TMEM132C: variants seen among roughly 807,000 people sequenced by gnomAD.
TMEM132C encodes the protein transmembrane protein 132C, also known as protein phosphatase 1, regulatory subunit 152.
TMEM132C carries 29 observed loss-of-function variants against 61.4 expected under a neutral mutation model. The ratio of observed to expected loss-of-function variants is 0.47; its 90% CI spans 0.35 to 0.64. The LOEUF (loss-of-function observed/expected upper bound fraction) is 0.64, where lower values mean the gene tolerates loss of function less well. Ranked by LOEUF, TMEM132C falls within the 30% of genes least tolerant of loss-of-function variation. The probability of loss-of-function intolerance (pLI) is 0.00; values close to 1 mark genes in which losing one functional copy is unlikely to be tolerated. For synonymous variants in TMEM132C, 656 were observed against 633.1 expected (o/e 1.04, Z -0.54); for missense variants, 1,408 against 1,476.9 (o/e 0.95, Z 0.76).
In TMEM132C at chr12:128,706,046, C is replaced by A; in HGVS notation, c.3078C>A (p.His1026Gln). The A allele has an allele frequency of 1.3e-6, 2 of 1,551,746 alleles. No homozygotes were observed. Among genetic ancestry groups the A allele is most frequent in the Non-Finnish European group, 8.7e-7 (1 of 1,147,010 alleles). Reference sequence around the variant, plus strand: ...ACAAGCACGTGCAGAGCCAGATTCACAGGTCAGCCGACTCCGGGGGGCGGC... The same window carrying A: ...ACAAGCACGTGCAGAGCCAGATTCAAAGGTCAGCCGACTCCGGGGGGCGGC... Reference protein sequence around the residue: ...GSHKHVQSQIHRSADSGGRQG... With the variant: ...GSHKHVQSQIQRSADSGGRQG... Residue 1026 changes from histidine to glutamine, a missense_variant, in exon 9 of 9, where the codon CAC becomes CAA. Coordinates refer to ENST00000435159, the MANE Select transcript of TMEM132C (RefSeq NM_001136103.3).
At chr12:128,357,709 A>G (rs923762192) in intron 1 of TMEM132C, among the ~76,000 whole-genome samples, 1 of 151,022 alleles carries the variant, frequency 6.6e-6, no homozygotes, top group Non-Finnish European at 1.5e-5. Flanking sequence ...AAAAAAAAAA[A>G]AGAAAAAGAA....
chr12:128,572,611 G>C (rs1037944120), intron 3 of TMEM132C, among the ~76,000 whole-genome samples: 1 of 150,916 alleles, frequency 6.6e-6, no homozygotes, highest in African/African-American at 2.4e-5. Flanking sequence ...CCAGACCTGG[G>C]TCACATGACA....
rs1000762653 is a variant in TMEM132C, at chr12:128,652,515, C to T, written c.1306-16902C>T. Among the ~76,000 whole-genome samples the T allele has an allele frequency of 6.6e-5, 10 of 152,348 alleles. No individual in the cohort carries two copies. In the East Asian group the frequency reaches 1.2e-3, roughly 18 times the overall value. On this transcript the variant is annotated intron_variant, in intron 4 of 8. Coordinates refer to ENST00000435159, the MANE Select transcript of TMEM132C (RefSeq NM_001136103.3). ...TAATTAATGAGACACCATCCAAGAACGTTTACAGCTCGGAACACAGAGTTC... is the reference window on the plus strand; with the variant it reads ...TAATTAATGAGACACCATCCAAGAATGTTTACAGCTCGGAACACAGAGTTC...
intron 8 of TMEM132C, among the ~76,000 whole-genome samples, chr12:128,698,332 C>G (rs956389134): frequency 6.6e-6 from 1 of 152,148 alleles, no homozygotes; most frequent in African/African-American, 2.4e-5. Context: ...CTCGTCTGAC[C>G]CTAACAACCT....
chr12:128,378,825 C>G (rs1422845843), intron 1 of TMEM132C, among the ~76,000 whole-genome samples: 7 of 152,138 alleles, frequency 4.6e-5, no homozygotes, highest in Non-Finnish European at 1.5e-5. Flanking sequence ...TGGGAGGGAC[C>G]CAGTGCCCAG....
intron 3 of TMEM132C, among the ~76,000 whole-genome samples, chr12:128,595,092 G>A (rs1336060757): frequency 1.3e-5 from 2 of 152,172 alleles, no homozygotes; most frequent in African/African-American, 4.8e-5. Flanking sequence ...AGGAAACACT[G>A]CTCTCCGGAG....
intron 1 of TMEM132C, among the ~76,000 whole-genome samples, chr12:128,282,580 C>A (rs1482175735): frequency 6.6e-6 from 1 of 152,212 alleles, no homozygotes; most frequent in South Asian, 2.1e-4. Context: ...CTAGGTCCCT[C>A]CCTGGACGTG....
intron 3 of TMEM132C, among the ~76,000 whole-genome samples, chr12:128,584,599 C>T (rs777257628): frequency 9.8e-5 from 15 of 152,322 alleles, no homozygotes; most frequent in African/African-American, 2.6e-4. Context: ...GCATCCCCAA[C>T]GTGCAGTTTT....
intron 3 of TMEM132C, among the ~76,000 whole-genome samples, chr12:128,576,236 G>C (rs925591453): frequency 1.3e-5 from 2 of 150,686 alleles, no homozygotes; most frequent in African/African-American, 4.9e-5. Flanking sequence ...CCTGGGTACA[G>C]AGCGAGACTC....
At chr12:128,451,674 A>T (rs896691537) in intron 2 of TMEM132C, among the ~76,000 whole-genome samples, 4 of 152,244 alleles carry the variant, frequency 2.6e-5, no homozygotes, top group Admixed American at 1.3e-4. Flanking sequence ...ATATTGATTT[A>T]TGAAAAAGAA....
intron 4 of TMEM132C, among the ~76,000 whole-genome samples, chr12:128,619,353 C>T (rs368473333): frequency 6.6e-6 from 1 of 152,186 alleles, no homozygotes; most frequent in South Asian, 2.1e-4. Flanking sequence ...TAGGAGGATT[C>T]AGCCACAGCA....
At position 128,356,364 on chromosome 12, in the gene TMEM132C, C is replaced by T. The variant is rs181951080; in HGVS notation, c.86-58368C>T. ...GGCAGGATCCACAGGCTCTGGCACA[C>T]GAACCTAACCTATTCTCTGTCTCCT... is the stretch of plus-strand genomic sequence containing the variant. On this transcript the variant is annotated intron_variant, in intron 1 of 8. Transcript: ENST00000435159. 7.2e-4 allele frequency among the ~76,000 whole-genome samples: 109 copies of T among 152,298 alleles called. 1 individual carries two copies. In the South Asian group the frequency reaches 0.013, roughly 18 times the overall value.
chr12:128,283,233 C>T (rs1460469885), intron 1 of TMEM132C, among the ~76,000 whole-genome samples: 2 of 152,224 alleles, frequency 1.3e-5, no homozygotes, highest in Non-Finnish European at 2.9e-5. Flanking sequence ...TTTATGACAA[C>T]TTCTGTGTTG....
At chr12:128,420,157 G>A (rs926587524) in intron 2 of TMEM132C, among the ~76,000 whole-genome samples, 4 of 152,142 alleles carry the variant, frequency 2.6e-5, no homozygotes, top group Admixed American at 6.5e-5. Context: ...GATCATGCCA[G>A]TGAAGTCCAG....
chr12:128,629,999 A>G (rs986272697), intron 4 of TMEM132C, among the ~76,000 whole-genome samples: 1 of 151,046 alleles, frequency 6.6e-6, no homozygotes, highest in African/African-American at 2.4e-5. Flanking sequence ...AAGAGGGTAG[A>G]TCTCATATTA....
intron 1 of TMEM132C, among the ~76,000 whole-genome samples, chr12:128,342,000 G>A (rs1445271598): frequency 2.0e-5 from 3 of 150,576 alleles, no homozygotes; most frequent in African/African-American, 7.3e-5. Context: ...AGTTCACCTG[G>A]CCACACTTCT....
chr12:128,615,480 C>T (rs905787263), intron 3 of TMEM132C, among the ~76,000 whole-genome samples: 1 of 152,260 alleles, frequency 6.6e-6, no homozygotes, highest in South Asian at 2.1e-4. Flanking sequence ...TAGACTGTCC[C>T]TTCTGGGAGT....
chr12:128,468,190 G>A (rs1425534904), intron 2 of TMEM132C, among the ~76,000 whole-genome samples: 3 of 152,184 alleles, frequency 2.0e-5, no homozygotes, highest in Non-Finnish European at 2.9e-5. Flanking sequence ...CACCAACCCC[G>A]GGGTGACAAG....
At chr12:128,545,456 C>CTATT (rs1277859603) in intron 3 of TMEM132C, among the ~76,000 whole-genome samples, 2 of 152,176 alleles carry the variant, frequency 1.3e-5, no homozygotes, top group Non-Finnish European at 2.9e-5. Flanking sequence ...GTAGAACAGT[C>CTATT]TATTTCCTTT....
Sources: allele counts gnomAD v4.1 joint callset (sites outside exome capture counted in the v4.1 genomes callset), GRCh38; gene constraint gnomAD v4.1.1; transcripts MANE v1.5; gene names NCBI Gene and HGNC (gene_info 2026-07-23, HGNC 2026-07-21).